Variants in TUG1 observed in about 807,000 individuals in gnomAD.
The protein encoded by TUG1 is taurine up-regulated 1.
exon 3 of TUG1, chr22:30,975,888 CTA>C (rs1221147096): frequency 6.6e-6 from 1 of 152,062 alleles, no homozygotes; most frequent in African/African-American, 2.4e-5. Flanking sequence ...CAAGAGATAA[CTA>C]TGAAAGCCAA....
chr22:30,974,897 T>C (rs2041271045), intron 2 of TUG1: 1 of 152,202 alleles, frequency 6.6e-6, no homozygotes, highest in Non-Finnish European at 1.5e-5. Context: ...CATCCAGCCA[T>C]GGACTTCTTG....
At chr22:30,974,597 C>G (rs2041268255) in intron 2 of TUG1, 1 of 152,128 alleles carries the variant, frequency 6.6e-6, no homozygotes, top group Non-Finnish European at 1.5e-5. Flanking sequence ...ATTAGTATGT[C>G]TCTGTCATCT....
intron 2 of TUG1, chr22:30,974,358 A>AAG (rs1479109891): frequency 1.3e-5 from 2 of 151,998 alleles, no homozygotes; most frequent in African/African-American, 4.8e-5. Flanking sequence ...AAAAAAAAAA[A>AAG]AAAAGACTTC....
chr22:30,972,878 T>G (rs766785084), exon 2 of TUG1: 5 of 153,600 alleles, frequency 3.3e-5, no homozygotes, highest in Non-Finnish European at 7.3e-5. Flanking sequence ...GATTGCTGAG[T>G]GTTCACCTGG....
exon 1 of TUG1, chr22:30,971,534 A>G (rs2041230066): frequency 2.0e-5 from 3 of 152,542 alleles, no homozygotes; most frequent in Admixed American, 1.3e-4. Context: ...ACAGCCATGG[A>G]CTCCAGATTT....
exon 3 of TUG1, chr22:30,975,941 T>A (rs931174071): frequency 2.4e-5 from 2 of 84,004 alleles, no homozygotes; most frequent in African/African-American, 7.4e-5. Context: ...GCTCAATATC[T>A]ATCATTCGTC....
At chr22:30,976,136 T>A in exon 3 of TUG1, 1 of 151,868 alleles carries the variant, frequency 6.6e-6, no homozygotes, top group Non-Finnish European at 1.5e-5. Context: ...CCAGAATTAT[T>A]ATGACTATTC....
exon 2 of TUG1, chr22:30,973,230 T>G (rs1396432378): frequency 6.6e-6 from 1 of 152,266 alleles, no homozygotes; most frequent in Admixed American, 6.5e-5. Context: ...ACCAGGGGAT[T>G]TTTTAGTTAT....
At chr22:30,970,232 A>T (rs754716923) in exon 1 of TUG1, 1 of 152,102 alleles carries the variant, frequency 6.6e-6, no homozygotes, top group Non-Finnish European at 1.5e-5. Flanking sequence ...ATCGCTAGCA[A>T]GTTTTCCAAG....
At chr22:30,977,478 TG>T (rs2041302449) in exon 3 of TUG1, 1 of 152,354 alleles carries the variant, frequency 6.6e-6, no homozygotes, top group Middle Eastern at 3.4e-3. Flanking sequence ...GAAAGTTCTT[TG>T]GCAGATGAGC....
At chr22:30,970,000 C>G (rs1391868429) in exon 1 of TUG1, 1 of 152,190 alleles carries the variant, frequency 6.6e-6, no homozygotes, top group Non-Finnish European at 1.5e-5. Context: ...GTTGAAATCG[C>G]TTTGTAAACT....
exon 1 of TUG1, chr22:30,970,271 C>T (rs2041213696): frequency 6.6e-6 from 1 of 152,198 alleles, no homozygotes; most frequent in African/African-American, 2.4e-5. Context: ...AGTTAAGAAT[C>T]ACAATTTCTT....
At chr22:30,977,456 T>G (rs1171753785) in exon 3 of TUG1, 3 of 152,222 alleles carry the variant, frequency 2.0e-5, no homozygotes, top group East Asian at 3.8e-4. Flanking sequence ...GGATAAGGCC[T>G]TCTCCTGAGC....
At chr22:30,976,247 T>C (rs1282757081) in exon 3 of TUG1, 1 of 152,078 alleles carries the variant, frequency 6.6e-6, no homozygotes, top group Non-Finnish European at 1.5e-5. Context: ...TAGCCAGTAA[T>C]AGATTTTTTT....
chr22:30,976,081 A>G (rs1407083795), exon 3 of TUG1: 2 of 145,456 alleles, frequency 1.4e-5, no homozygotes, highest in South Asian at 2.2e-4. Context: ...AAAAAAAAAA[A>G]GGCTGAATTC....
exon 3 of TUG1, chr22:30,978,588 A>G (rs1470414108): frequency 6.6e-6 from 1 of 152,190 alleles, no homozygotes; most frequent in African/African-American, 2.4e-5. Flanking sequence ...AGACCTCATC[A>G]ATCAGCAAAT....
chr22:30,974,298 G>A (rs1027904779), intron 2 of TUG1: 2 of 150,082 alleles, frequency 1.3e-5, no homozygotes, highest in Non-Finnish European at 2.9e-5. Context: ...AGGATCTCAG[G>A]AGACTTGCAG....
chr22:30,973,884 T>C (rs185724937), intron 2 of TUG1: 5 of 152,276 alleles, frequency 3.3e-5, no homozygotes, highest in Admixed American at 3.3e-4. Context: ...AGCTTCCTGA[T>C]CTGGTGCCCC....
intron 2 of TUG1, chr22:30,974,868 G>C (rs2041270686): frequency 6.6e-6 from 1 of 152,200 alleles, no homozygotes; most frequent in Non-Finnish European, 1.5e-5. Flanking sequence ...TTATCTCCTT[G>C]AGATAATGCT....
Sources: gnomAD v4.1 joint callset for allele counts on GRCh38, gnomAD v4.1.1 for gene constraint, MANE v1.5 for transcripts, NCBI Gene and HGNC (gene_info 2026-07-23, HGNC 2026-07-21) for gene names.